The following ASIC2 variants were observed in gnomAD, a reference collection of about 807,000 sequenced individuals.
The protein encoded by ASIC2 is acid sensing ion channel subunit 2.
ASIC2 carries 25 observed loss-of-function variants against 57.3 expected under a neutral mutation model. That is an observed-to-expected ratio of 0.44 (90% CI 0.32 to 0.61). ASIC2 has a LOEUF of 0.61. ASIC2 is among the 20% of genes least tolerant of loss of function. The pLI is 0.06. For missense variants in ASIC2, 641 were observed against 738.1 expected, an observed-to-expected ratio of 0.87 and a Z score of 1.52; for synonymous variants, 319 against 307.5, an observed-to-expected ratio of 1.04 and a Z score of -0.39.
At chr17:33,630,939 A>C (rs1019502659) in intron 1 of ASIC2, among the ~76,000 whole-genome samples, 2 of 152,242 alleles carry the variant, frequency 1.3e-5, no homozygotes, top group African/African-American at 4.8e-5. Flanking sequence ...CTATCTCACC[A>C]AAAGGGTGAG....
intron 1 of ASIC2, among the ~76,000 whole-genome samples, chr17:33,225,096 T>C (rs550668130): frequency 6.6e-6 from 1 of 152,346 alleles, no homozygotes; most frequent in African/African-American, 2.4e-5. Flanking sequence ...TCAGCCTTTT[T>C]GGGAGGGCAG....
Position 33,727,456 on chromosome 17 carries a change from T to G in ASIC2, c.555+428522A>C, listed in dbSNP as rs151060939. Among the ~76,000 whole-genome samples, 521 of 152,284 alleles carry G rather than the reference T, an allele frequency of 3.4e-3. 2 individuals carry two copies. The highest frequency in any genetic ancestry group is 0.012 in the African/African-American group (499 of 41,544). On this transcript the variant is annotated intron_variant, in intron 1 of 9. Transcript: ENST00000359872. ...GATCTGTGTCCCTGCCCAAACCTCA[T>G]GTCAAATTGTCATCCCCAATGTTGG...
intron 1 of ASIC2, among the ~76,000 whole-genome samples, chr17:33,397,134 G>A (rs1178190585): frequency 6.6e-6 from 1 of 152,134 alleles, no homozygotes; most frequent in Non-Finnish European, 1.5e-5. Context: ...CTGGTGGGAG[G>A]CCAGCTGAGA....
chr17:33,925,790 A>T (rs890242186), intron 1 of ASIC2, among the ~76,000 whole-genome samples: 1 of 152,178 alleles, frequency 6.6e-6, no homozygotes, highest in Admixed American at 6.5e-5. Context: ...TGGAGGCTGC[A>T]ATCCATTGAC....
chr17:33,241,964 C>T (rs980540190), intron 1 of ASIC2, among the ~76,000 whole-genome samples: 1 of 152,230 alleles, frequency 6.6e-6, no homozygotes, highest in Non-Finnish European at 1.5e-5. Flanking sequence ...AAAACCCAAT[C>T]TCAAAACACT....
intron 1 of ASIC2, among the ~76,000 whole-genome samples, chr17:33,284,328 T>C (rs1567810113): frequency 6.6e-6 from 1 of 152,202 alleles, no homozygotes; most frequent in Non-Finnish European, 1.5e-5. Context: ...ACCAGTGTCC[T>C]TGAAAGAATG....
chr17:33,988,079 T>C (rs1027430915), intron 1 of ASIC2, among the ~76,000 whole-genome samples: 1 of 152,142 alleles, frequency 6.6e-6, no homozygotes, highest in Non-Finnish European at 1.5e-5. Context: ...TGCATTAGGC[T>C]AGAAGGGATT....
At chr17:33,196,824 C>T (rs953750600) in intron 1 of ASIC2, among the ~76,000 whole-genome samples, 5 of 152,188 alleles carry the variant, frequency 3.3e-5, no homozygotes, top group Non-Finnish European at 5.9e-5. Flanking sequence ...AATTGGAACT[C>T]GCTGACACCA....
intron 1 of ASIC2, among the ~76,000 whole-genome samples, chr17:33,379,833 G>C (rs937480247): frequency 2.0e-5 from 3 of 152,204 alleles, no homozygotes; most frequent in Non-Finnish European, 4.4e-5. Flanking sequence ...AACAAACCAA[G>C]CTCACTCTAT....
At chr17:33,979,971 C>T (rs1339725534) in intron 1 of ASIC2, among the ~76,000 whole-genome samples, 1 of 152,156 alleles carries the variant, frequency 6.6e-6, no homozygotes, top group Non-Finnish European at 1.5e-5. Context: ...CTCTACTGGA[C>T]ACAGCAACAG....
intron 1 of ASIC2, among the ~76,000 whole-genome samples, chr17:33,516,103 T>A (rs1039630804): frequency 1.5e-5 from 2 of 136,398 alleles, no homozygotes; most frequent in Admixed American, 7.7e-5. Flanking sequence ...AGATTCTGTC[T>A]CCAAAACAAA....
At chr17:33,074,907 T>G (rs1259654247) in intron 3 of ASIC2, among the ~76,000 whole-genome samples, 4 of 152,132 alleles carry the variant, frequency 2.6e-5, no homozygotes, top group Non-Finnish European at 5.9e-5. Flanking sequence ...CTCCACTCAA[T>G]GAACTATGAT....
At chr17:33,377,973 G>A (rs1187665156) in intron 1 of ASIC2, among the ~76,000 whole-genome samples, 1 of 152,218 alleles carries the variant, frequency 6.6e-6, no homozygotes, top group Non-Finnish European at 1.5e-5. Flanking sequence ...GCAGCCAAAT[G>A]GGTTGCCCTG....
intron 1 of ASIC2, among the ~76,000 whole-genome samples, chr17:34,095,519 A>T (rs945851003): frequency 9.3e-5 from 14 of 151,160 alleles, no homozygotes; most frequent in Non-Finnish European, 7.4e-5. Flanking sequence ...AATATTAATT[A>T]ATTTTCCATG....
intron 1 of ASIC2, among the ~76,000 whole-genome samples, chr17:33,677,665 G>T (rs1907867512): frequency 6.6e-6 from 1 of 152,220 alleles, no homozygotes; most frequent in Admixed American, 6.5e-5. Flanking sequence ...AGTCACTGCA[G>T]ATGGGGTGGA....
intron 1 of ASIC2, among the ~76,000 whole-genome samples, chr17:33,578,536 G>A (rs535379997): frequency 2.6e-5 from 4 of 152,278 alleles, no homozygotes; most frequent in Non-Finnish European, 1.5e-5. Flanking sequence ...TAGACAAAAT[G>A]GCTAAGGGAC....
intron 1 of ASIC2, among the ~76,000 whole-genome samples, chr17:33,210,819 C>T (rs374160554): frequency 2.4e-4 from 36 of 152,160 alleles, no homozygotes; most frequent in East Asian, 1.2e-3. Context: ...AGAAAACAGG[C>T]GTGGGCGGGT....
At chr17:33,650,550 G>A (rs73279021) in intron 1 of ASIC2, among the ~76,000 whole-genome samples, 33,297 of 152,076 alleles carry the variant, frequency 0.22, 3,801 homozygotes, top group South Asian at 0.26. Flanking sequence ...AGCTTTATTC[G>A]TAATAGCGAA....
chr17:33,347,010 T>C lies in ASIC2; in HGVS notation c.556-234943A>G, dbSNP rs552295463. ...ACGGAGCAGCTGCTGAAGAGTTTGA[T>C]GGAGTGTGTGTGCTTCATACAGATG... On this transcript the variant is annotated intron_variant, in intron 1 of 9. Transcript: ENST00000359872. Among the ~76,000 whole-genome samples, 44 of 152,232 alleles carry C rather than the reference T, an allele frequency of 2.9e-4. 1 individual carries two copies. The South Asian group carries it at 8.9e-3, about 31-fold the overall frequency.
Sources: gnomAD v4.1 joint callset for allele counts (sites outside exome capture counted in the v4.1 genomes callset) on GRCh38, gnomAD v4.1.1 for gene constraint, MANE v1.5 for transcripts, NCBI Gene and HGNC (gene_info 2026-07-23, HGNC 2026-07-21) for gene names.